Variants in NCOA6 observed in about 807,000 individuals in gnomAD.
NCOA6 encodes nuclear receptor coactivator 6.
Under a neutral mutation model 171.4 loss-of-function variants are expected in NCOA6, and 49 were observed. That is an observed-to-expected ratio of 0.29 (90% CI 0.23 to 0.36). The LOEUF (loss-of-function observed/expected upper bound fraction) is 0.36, where lower values mean the gene tolerates loss of function less well. Ranked by LOEUF, NCOA6 falls within the 10% of genes least tolerant of loss-of-function variation. NCOA6 has a pLI of 1.00. For synonymous variants in NCOA6, 910 were observed against 927.5 expected, an observed-to-expected ratio of 0.98 and a Z score of 0.34; for missense variants, 2,248 against 2,554.5, an observed-to-expected ratio of 0.88 and a Z score of 2.59.
chr20:34,749,918 C>T lies in NCOA6; in HGVS notation c.2277G>A (p.Thr759=), dbSNP rs149855221. The T allele has an allele frequency of 2.0e-4, 325 of 1,614,106 alleles. No individual in the cohort carries two copies. Among genetic ancestry groups the T allele is most frequent in the Non-Finnish European group, 2.4e-4 (281 of 1,180,052 alleles). ...PNMQGNMVQF[T]GQMSGQMLPQ... is the part of the protein sequence containing the mutation. ...GCAGCATCTGTCCTGACATCTGTCC[C>T]GTAAACTGCACCATATTTCCTTGCA... Residue 759 remains threonine, a synonymous_variant, in exon 9 of 15, where the codon ACG becomes ACA. Coordinates refer to ENST00000359003, the MANE Select transcript of NCOA6 (RefSeq NM_014071.5).
intron 12 of NCOA6, among the ~76,000 whole-genome samples, chr20:34,733,690 G>A (rs985355166): frequency 2.6e-5 from 4 of 151,686 alleles, no homozygotes; most frequent in Non-Finnish European, 5.9e-5. Flanking sequence ...TTCATGTAAG[G>A]AGGTTGGACT....
At position 34,768,710 on chromosome 20, in the gene NCOA6, G is replaced by C. The variant is rs578181702; in HGVS notation, c.392-124C>G. The C allele has an allele frequency of 2.8e-6, 3 of 1,068,234 alleles. No individual in the cohort carries two copies. The East Asian group carries it at 7.7e-5, about 27-fold the overall frequency. 66.2% of individuals were successfully genotyped at this position (1,068,234 alleles called of 1,614,324 possible). On this transcript the variant is annotated intron_variant, in intron 4 of 14. Coordinates refer to ENST00000359003, the MANE Select transcript of NCOA6 (RefSeq NM_014071.5). ...AAGAATTATGGTTAGTTTACCACCA[G>C]AAAAATGGTGGGTTCAATGTAGATG...
At position 34,757,379 on chromosome 20, in the gene NCOA6, G is replaced by A; in HGVS notation, c.1369C>T (p.Pro457Ser). The A allele has an allele frequency of 3.7e-6, 6 of 1,614,170 alleles. No homozygotes were observed. Among genetic ancestry groups the A allele is most frequent in the Non-Finnish European group, 2.5e-6 (3 of 1,180,000 alleles). Residue 457 changes from proline (P) to serine (S), a missense_variant, in exon 7 of 15, where the codon CCA becomes TCA. Coordinates refer to ENST00000359003, the MANE Select transcript of NCOA6 (RefSeq NM_014071.5). ...NQTQQQMGPR[P>S]PQNNPLPQGF... ...TGGGGAAGTGGGTTATTTTGAGGTG[G>A]CCTTGGTCCCATCTGCTGCTGAGTT...
chr20:34,726,440 A>T (rs1199710885), intron 14 of NCOA6, among the ~76,000 whole-genome samples: 1 of 152,196 alleles, frequency 6.6e-6, no homozygotes, highest in African/African-American at 2.4e-5. Flanking sequence ...GGAAACATGG[A>T]AAGATAGCTG....
intron 10 of NCOA6, among the ~76,000 whole-genome samples, chr20:34,745,021 A>G (rs1421290877): frequency 6.6e-6 from 1 of 152,224 alleles, no homozygotes; most frequent in African/African-American, 2.4e-5. Flanking sequence ...GGCACTAATG[A>G]TAAGACAGAT....
chr20:34,768,638 T>G, intron 4 of NCOA6, 52 bp from the exon 5 acceptor site: 1 of 1,602,856 alleles, frequency 6.2e-7, no homozygotes, highest in Non-Finnish European at 8.5e-7. Flanking sequence ...AAATGCAAAT[T>G]TTGTTTATAG....
At position 34,742,027 on chromosome 20, in the gene NCOA6, C is replaced by A; in HGVS notation, c.4229G>T (p.Gly1410Val). The change falls in exon 11 of 15, where the codon GGT (glycine) becomes GTT (valine). Residue 1410 changes from glycine to valine, a missense_variant. This residue lies in a region of NCOA6 where 884 missense variants were observed against 941.9 expected (regional missense o/e 0.94). Transcript: ENST00000359003. ...GCTCTCCTTGTTATCCTCAACAACA[C>A]CCCCAACTGCAGCCACAGACACAGT... is the stretch of plus-strand genomic sequence containing the variant. ...NSTVSVAAVGGVVEDNKESLN... is the reference protein window; with the variant it reads ...NSTVSVAAVGVVVEDNKESLN... The A allele has an allele frequency of 1.2e-6, 2 of 1,614,162 alleles. No homozygotes were observed. Among genetic ancestry groups the A allele is most frequent in the South Asian group, 1.1e-5 (1 of 91,074 alleles).
intron 5 of NCOA6, among the ~76,000 whole-genome samples, chr20:34,763,314 G>A (rs1431243256): frequency 6.6e-6 from 1 of 151,570 alleles, no homozygotes; most frequent in Non-Finnish European, 1.5e-5. Context: ...TTTTCTCTGC[G>A]CATCCTGAGT....
chr20:34,804,433 G>T (rs1005713995), intron 1 of NCOA6, among the ~76,000 whole-genome samples: 3 of 151,566 alleles, frequency 2.0e-5, no homozygotes, highest in African/African-American at 4.9e-5. Context: ...CTTGGACCTG[G>T]GAGGTTGAGG....
intron 1 of NCOA6, among the ~76,000 whole-genome samples, chr20:34,803,018 C>T (rs2078307502): frequency 1.3e-5 from 2 of 151,844 alleles, no homozygotes; most frequent in Middle Eastern, 3.4e-3. Context: ...ATCATGTTGC[C>T]CAGGCTGGTT....
chr20:34,812,559 C>T (rs1200420833), intron 1 of NCOA6, among the ~76,000 whole-genome samples: 1 of 151,732 alleles, frequency 6.6e-6, no homozygotes, highest in Non-Finnish European at 1.5e-5. Context: ...TTTCCAAAAC[C>T]ACTCATCCCA....
rs564174826 is a variant in NCOA6 at position 34,758,933 on chromosome 20, C to G, written c.515G>C (p.Gly172Ala). 5 of 1,612,618 alleles carry G rather than the reference C, an allele frequency of 3.1e-6. No homozygotes were observed. In the African/African-American group the frequency reaches 6.7e-5, roughly 22 times the overall value. Residue 172 changes from glycine to alanine, a missense_variant and splice_region_variant, in exon 6 of 15, where the codon GGA (glycine) becomes GCA (alanine). Gly to Ala is a moderately conservative substitution (Grantham distance 60). Around this residue, in one of 7 missense-constraint regions of NCOA6, gnomAD observed 987 missense variants for 1,104.7 expected, o/e 0.89. Transcript: ENST00000359003. ...EAGFPMASGPGIIRMNNPATV... is the reference protein window; with the variant it reads ...EAGFPMASGPAIIRMNNPATV... ...GGCAGGGTTGTTCATCCTTATTATT[C>G]CTAGAAAAAAGATCCCTAAAATAGA...
intron 1 of NCOA6, among the ~76,000 whole-genome samples, chr20:34,822,527 G>A (rs1457306488): frequency 2.0e-5 from 3 of 152,102 alleles, no homozygotes; most frequent in Non-Finnish European, 2.9e-5. Context: ...ACCCATCTCC[G>A]TGTCCTTATA....
chr20:34,781,994 C>T, intron 3 of NCOA6, 127 bp downstream of exon 3: 1 of 629,440 alleles, frequency 1.6e-6, no homozygotes. Context: ...TAAAATTCCA[C>T]CTCTGTGCTT....
intron 8 of NCOA6, among the ~76,000 whole-genome samples, chr20:34,751,376 CAAAAAAAAAAAAAA>C (rs35848122): frequency 2.9e-5 from 2 of 68,294 alleles, no homozygotes; most frequent in Non-Finnish European, 5.6e-5. Flanking sequence ...GACTCCGTCT[CAAAAAAAAAAAAAA>C]AAAAAAGAAT....
intron 1 of NCOA6, among the ~76,000 whole-genome samples, chr20:34,816,951 T>C (rs1361346207): frequency 6.6e-6 from 1 of 151,252 alleles, no homozygotes. Flanking sequence ...TCAAACCCCA[T>C]CTCTACTAAA....
rs137886311 is a variant in NCOA6, at chr20:34,766,515, C to T, written c.514+1949G>A. Among the ~76,000 whole-genome samples, 151 of 152,168 alleles carry T rather than the reference C, an allele frequency of 9.9e-4. 1 individual carries two copies. The highest frequency in any genetic ancestry group is 1.5e-3 in the Non-Finnish European group (103 of 68,002). ...TGGTAGTGCACGCCTGTAGTCCCAG[C>T]TACTGCAGGGCTGAGACAGGAGGAA... On this transcript the variant is annotated intron_variant, in intron 5 of 14. Coordinates refer to ENST00000359003, the MANE Select transcript of NCOA6 (RefSeq NM_014071.5).
At chr20:34,718,141 T>G (rs935149403) in intron 14 of NCOA6, among the ~76,000 whole-genome samples, 10 of 152,176 alleles carry the variant, frequency 6.6e-5, no homozygotes, top group African/African-American at 2.4e-4. Flanking sequence ...AAAACCCTCA[T>G]CTTTTGGATA....
chr20:34,786,564 C>A (rs749702295), intron 2 of NCOA6, among the ~76,000 whole-genome samples: 3 of 152,136 alleles, frequency 2.0e-5, no homozygotes, highest in Non-Finnish European at 2.9e-5. Context: ...TCATTAGTTT[C>A]AAAGAACTTC....
Sources: gnomAD v4.1 joint callset for allele counts (sites outside exome capture counted in the v4.1 genomes callset) on GRCh38, gnomAD v4.1.1 for gene constraint, gnomAD v4.1.1 regional missense constraint, MANE v1.5 for transcripts, NCBI Gene and HGNC (gene_info 2026-07-23, HGNC 2026-07-21) for gene names.